HIP1: variants seen among roughly 807,000 people sequenced by gnomAD.
The protein encoded by HIP1 is huntingtin-interacting protein 1.
In HIP1, 65 loss-of-function variants were observed where a neutral mutation model predicts 147.6. The ratio of observed to expected loss-of-function variants is 0.44; its 90% CI spans 0.36 to 0.54. The LOEUF (loss-of-function observed/expected upper bound fraction) is 0.54, where lower values mean the gene tolerates loss of function less well. Ranked by LOEUF, HIP1 falls within the 20% of genes least tolerant of loss-of-function variation. HIP1 has a pLI of 0.00. For synonymous variants in HIP1, 479 were observed against 504.0 expected (o/e 0.95, Z 0.67); for missense variants, 1,061 against 1,299.6 (o/e 0.82, Z 2.82).
At chr7:75,547,077 G>A (rs1554491199) in intron 24 of HIP1, 45 bp from the exon 25 acceptor site, 2 of 1,466,568 alleles carry the variant, frequency 1.4e-6, no homozygotes, top group Admixed American at 3.9e-5. Context: ...CAAGATCCAA[G>A]ATCAATGAAC....
Position 75,533,544 on chromosome 7 carries a change from T to C in HIP1, c.*4628A>G, listed in dbSNP as rs1334951479. The C allele has an allele frequency of 4.3e-6, 1 of 231,932 alleles. No homozygotes were observed. 14.4% of individuals were successfully genotyped at this position (231,932 alleles called of 1,614,324 possible). ...CCAACCCTATCCCTGCAAACTGAAA[T>C]GTGAAAGAGTCTGTTATAAGTTTGA... On this transcript the variant is annotated 3_prime_UTR_variant, in exon 31 of 31. Transcript: ENST00000336926.
chr7:75,556,560 C>T, intron 17 of HIP1, 150 bp downstream of exon 17: 1 of 615,242 alleles, frequency 1.6e-6, no homozygotes. Flanking sequence ...GGGTGTGTGC[C>T]TGTAGTCCCA....
At chr7:75,636,024 CAAAAAAAAAA>C (rs34434184) in intron 1 of HIP1, among the ~76,000 whole-genome samples, 4 of 53,708 alleles carry the variant, frequency 7.4e-5, no homozygotes, top group Non-Finnish European at 1.3e-4. Flanking sequence ...GACCCTGTCT[CAAAAAAAAAA>C]AAAAAAAAAA....
Position 75,557,731 on chromosome 7 carries a change from C to T in HIP1, c.1504G>A (p.Ala502Thr). The change falls in exon 16 of 31, where the codon GCC becomes ACC. Residue 502 changes from alanine (A) to threonine (T), a missense_variant. Physicochemically the swap from Ala to Thr is moderately conservative, Grantham distance 58. Transcript: ENST00000336926. ...VTKQVSMARQ[A>T]QVDLEREKKE... is the part of the protein sequence containing the mutation. Reference sequence around the variant, plus strand: ...TTCTCTCGTTCCAAATCTACCTGGGCTTGTCTGGCCATGGACACCTGTTTG... The same window carrying T: ...TTCTCTCGTTCCAAATCTACCTGGGTTTGTCTGGCCATGGACACCTGTTTG... The T allele has an allele frequency of 6.2e-7, 1 of 1,614,188 alleles. No individual in the cohort carries two copies.
At chr7:75,586,166 G>A (rs1796268002) in intron 5 of HIP1, among the ~76,000 whole-genome samples, 1 of 151,782 alleles carries the variant, frequency 6.6e-6, no homozygotes, top group African/African-American at 2.4e-5. Flanking sequence ...ATTTTCATAA[G>A]GCAATATAGT....
chr7:75,704,257 A>C (rs1800923355), intron 1 of HIP1, among the ~76,000 whole-genome samples: 1 of 151,950 alleles, frequency 6.6e-6, no homozygotes, highest in African/African-American at 2.4e-5. Flanking sequence ...TTATTTATTT[A>C]TTTTTGAGAC....
At chr7:75,617,309 C>A (rs1238813555) in intron 1 of HIP1, among the ~76,000 whole-genome samples, 1 of 152,074 alleles carries the variant, frequency 6.6e-6, no homozygotes, top group African/African-American at 2.4e-5. Context: ...GAACTCCTGA[C>A]CTCAGGTGAT....
intron 22 of HIP1, among the ~76,000 whole-genome samples, chr7:75,553,092 T>C (rs967184939): frequency 1.3e-5 from 2 of 152,160 alleles, no homozygotes; most frequent in Non-Finnish European, 1.5e-5. Flanking sequence ...CATGCACCAC[T>C]ATGCTGGGTT....
intron 1 of HIP1, among the ~76,000 whole-genome samples, chr7:75,610,392 T>C (rs1046147583): frequency 1.3e-5 from 2 of 150,944 alleles, no homozygotes; most frequent in Non-Finnish European, 3.0e-5. Context: ...TTGTATTTTT[T>C]GTAGAGATGG....
chr7:75,648,291 G>T (rs889370786), intron 1 of HIP1, among the ~76,000 whole-genome samples: 4 of 152,026 alleles, frequency 2.6e-5, no homozygotes, highest in African/African-American at 9.7e-5. Context: ...GCTGGGGCTC[G>T]TCGGAGTAGT....
Position 75,553,613 on chromosome 7 carries a change from CT to C in HIP1, c.2159-25del, listed in dbSNP as rs781899947. 504 of 1,584,390 alleles carry C rather than the reference CT, an allele frequency of 3.2e-4. 1 individual carries two copies. The highest frequency in any genetic ancestry group is 3.6e-4 in the Non-Finnish European group (420 of 1,159,736). On this transcript the variant is annotated intron_variant, in intron 21 of 30. Transcript: ENST00000336926. ...TGCTGGAGATACAAGGCAATAGACACTTTTTTTTTGAGATGGAGTCTCGCTC... is the reference window on the plus strand; with the variant it reads ...TGCTGGAGATACAAGGCAATAGACACTTTTTTTTGAGATGGAGTCTCGCTC...
intron 24 of HIP1, 94 bp downstream of exon 24, chr7:75,547,661 C>T: frequency 1.9e-6 from 2 of 1,029,846 alleles, no homozygotes; most frequent in Non-Finnish European, 3.1e-6. Context: ...TGCTACTGCT[C>T]TCCTCTAATT....
In HIP1 at chr7:75,551,581, G is replaced by T. The variant is rs587667077; in HGVS notation, c.2295+1872C>A. Among the ~76,000 whole-genome samples the T allele has an allele frequency of 1.3e-4, 20 of 151,882 alleles. No homozygotes were observed. The South Asian group carries it at 4.2e-3, about 32-fold the overall frequency. ...CTCTCACCCAGGCTGGAGTACAGTG[G>T]TTCACTGCAGGTGAACCACTCTGCA... On this transcript the variant is annotated intron_variant, in intron 22 of 30. Coordinates refer to ENST00000336926, the MANE Select transcript of HIP1 (RefSeq NM_005338.7).
chr7:75,664,183 T>C (rs1183124040), intron 1 of HIP1, among the ~76,000 whole-genome samples: 1 of 101,160 alleles, frequency 9.9e-6, no homozygotes. Context: ...TATATGTACA[T>C]ACATATATAC....
At chr7:75,593,510 A>C (rs2116976575) in intron 2 of HIP1, among the ~76,000 whole-genome samples, 1 of 151,336 alleles carries the variant, frequency 6.6e-6, no homozygotes, top group Non-Finnish European at 1.5e-5. Flanking sequence ...GGCGCCTGTA[A>C]TCCCAGCTTC....
chr7:75,567,975 AT>A (rs1554495885), intron 9 of HIP1, among the ~76,000 whole-genome samples: 2 of 151,838 alleles, frequency 1.3e-5, no homozygotes, highest in Non-Finnish European at 2.9e-5. Context: ...TGCCCAGCTA[AT>A]TTGTTTTACA....
intron 5 of HIP1, among the ~76,000 whole-genome samples, chr7:75,583,806 T>TGTGTGTGTGTGTG (rs1796150771): frequency 1.2e-5 from 1 of 80,166 alleles, no homozygotes; most frequent in African/African-American, 5.1e-5. Flanking sequence ...GTGTGTGTGT[T>TGTGTGTGTGTGTG]TAGTAGAGAT....
intron 23 of HIP1, among the ~76,000 whole-genome samples, chr7:75,548,445 G>A (rs587626047): frequency 4.6e-4 from 70 of 151,820 alleles, no homozygotes; most frequent in African/African-American, 1.3e-3. Context: ...AAAAACTAGC[G>A]AGTTCAGATT....
At chr7:75,545,048 A>T (rs1554490717) in intron 26 of HIP1, 40 bp downstream of exon 26, 1 of 1,174,274 alleles carries the variant, frequency 8.5e-7, no homozygotes, top group Non-Finnish European at 1.2e-6. Context: ...TCAATGGAAG[A>T]GGGGTCATGG....
Sources: gnomAD v4.1 joint callset for allele counts (sites outside exome capture counted in the v4.1 genomes callset) on GRCh38, gnomAD v4.1.1 for gene constraint, MANE v1.5 for transcripts, NCBI Gene and HGNC (gene_info 2026-07-23, HGNC 2026-07-21) for gene names.